Variants in MOK observed in about 807,000 individuals in gnomAD.
MOK encodes MAPK/MAK/MRK overlapping kinase.
In MOK, 59 loss-of-function variants were observed where a neutral mutation model predicts 54.2. The observed-to-expected ratio is 1.09, with a 90% CI of 0.88 to 1.35. MOK has a LOEUF of 1.35. MOK is among the 40% of genes most tolerant of loss of function. The probability of loss-of-function intolerance (pLI) is 0.00; values close to 1 mark genes in which losing one functional copy is unlikely to be tolerated. For synonymous variants in MOK, 210 were observed against 202.7 expected (o/e 1.04, Z -0.31); for missense variants, 517 against 526.2 (o/e 0.98, Z 0.17).
chr14:102,243,554 C>T (rs1225067148), intron 7 of MOK, among the ~76,000 whole-genome samples: 2 of 152,222 alleles, frequency 1.3e-5, no homozygotes, highest in East Asian at 3.8e-4. Flanking sequence ...CTACAGCCCT[C>T]ATAACTTCCA....
Position 102,232,730 on chromosome 14 carries a change from A to T in MOK, c.693-22T>A, listed in dbSNP as rs2064846374. 1 of 1,599,738 alleles carries T rather than the reference A, an allele frequency of 6.3e-7. No homozygotes were observed. Among genetic ancestry groups the T allele is most frequent in the Non-Finnish European group, 8.6e-7 (1 of 1,169,120 alleles). On this transcript the variant is annotated intron_variant, in intron 8 of 11. Coordinates refer to ENST00000361847, the MANE Select transcript of MOK (RefSeq NM_014226.3). The surrounding 1 kb of genome is among the most constrained non-coding windows in gnomAD (Gnocchi z 5.1). The stretch of plus-strand genomic sequence containing the variant: ...CGACCTGTATTAAAAACCCAATGAT[A>T]ATAAATGGTCATGCTGTCACTGAGC...
chr14:102,302,401 G>A (rs565439451), intron 1 of MOK, among the ~76,000 whole-genome samples: 9 of 151,138 alleles, frequency 6.0e-5, no homozygotes, highest in South Asian at 2.1e-4. Flanking sequence ...ATATATATAC[G>A]CATATATACA....
chr14:102,292,354 T>C (rs1233199219), intron 1 of MOK, among the ~76,000 whole-genome samples: 1 of 151,850 alleles, frequency 6.6e-6, no homozygotes, highest in Non-Finnish European at 1.5e-5. Flanking sequence ...ACAGCTGTAG[T>C]CCCAGCTACT....
chr14:102,257,961 G>A (rs2067103800), intron 4 of MOK, among the ~76,000 whole-genome samples: 1 of 147,714 alleles, frequency 6.8e-6, no homozygotes, highest in Non-Finnish European at 1.5e-5. Flanking sequence ...TGCCAACAGA[G>A]TGAGACTCTG....
At chr14:102,222,950 G>A (rs961209319), downstream of MOK, 19 of 1,591,964 alleles carry the variant, frequency 1.2e-5, no homozygotes, top group Middle Eastern at 1.8e-4. This position sits in a 1 kb window ranked among gnomAD's most constrained non-coding sequence, Gnocchi z 4.4. Context: ...GAGGAGCTCC[G>A]AGCTGCGCCT....
intron 1 of MOK, among the ~76,000 whole-genome samples, chr14:102,293,701 C>CAAAAAA (rs10598736): frequency 0.015 from 785 of 53,910 alleles, no homozygotes; most frequent in Non-Finnish European, 0.018. Context: ...AACTCCATCA[C>CAAAAAA]AAAAAAAAAA....
intron 4 of MOK, among the ~76,000 whole-genome samples, chr14:102,257,506 A>G (rs2067063557): frequency 6.6e-6 from 1 of 152,152 alleles, no homozygotes; most frequent in African/African-American, 2.4e-5. Flanking sequence ...ATCAGAGAAT[A>G]GGGGAGGCTG....
At position 102,232,760 on chromosome 14, in the gene MOK, C is replaced by T. The variant is rs371857747; in HGVS notation, c.693-52G>A. 96 of 1,522,360 alleles carry T rather than the reference C, an allele frequency of 6.3e-5. No homozygotes were observed. Among genetic ancestry groups the T allele is most frequent in the African/African-American group, 1.5e-4 (11 of 73,068 alleles). The allele number at this position is 1,522,360 out of a possible 1,614,324, so 94.3% of individuals were successfully genotyped here. ...ATGGTCATGCTGTCACTGAGCGCAC[C>T]GGTGGTCCACTGTCACAACTAAGGG... On this transcript the variant is annotated intron_variant, in intron 8 of 11. Coordinates refer to ENST00000361847, the MANE Select transcript of MOK (RefSeq NM_014226.3). The surrounding 1 kb of genome is among the most constrained non-coding windows in gnomAD (Gnocchi z 5.1).
At chr14:102,252,253 G>C (rs1234830395) in intron 4 of MOK, among the ~76,000 whole-genome samples, 3 of 151,996 alleles carry the variant, frequency 2.0e-5, no homozygotes, top group African/African-American at 2.4e-5. Flanking sequence ...TCAGGAGTTT[G>C]AGACCAGCCT....
chr14:102,274,744 G>A (rs1245073938), intron 2 of MOK, among the ~76,000 whole-genome samples: 1 of 151,838 alleles, frequency 6.6e-6, no homozygotes, highest in Non-Finnish European at 1.5e-5. Flanking sequence ...GGAGGACGAG[G>A]CAGGCGGATC....
At chr14:102,261,530 TA>T (rs1389936489) in intron 4 of MOK, among the ~76,000 whole-genome samples, 4 of 147,660 alleles carry the variant, frequency 2.7e-5, no homozygotes, top group South Asian at 4.3e-4. Flanking sequence ...TGTTGACTTT[TA>T]TTTTTTTTTT....
chr14:102,266,656 C>T (rs1446146861), intron 2 of MOK, among the ~76,000 whole-genome samples: 1 of 152,108 alleles, frequency 6.6e-6, no homozygotes, highest in Non-Finnish European at 1.5e-5. Context: ...GATCTTGGCT[C>T]ACTGCAACCT....
intron 1 of MOK, among the ~76,000 whole-genome samples, chr14:102,294,250 TC>T (rs1465004579): frequency 5.3e-5 from 8 of 151,948 alleles, no homozygotes; most frequent in African/African-American, 1.9e-4. Context: ...ATCAACACCA[TC>T]CTGGCTAACA....
the MOK span, among the ~76,000 whole-genome samples, chr14:102,218,093 C>T: frequency 6.6e-6 from 1 of 152,230 alleles, no homozygotes; most frequent in African/African-American, 2.4e-5. Flanking sequence ...TCTTGTGGTA[C>T]TTTGTCCACG....
At chr14:102,288,210 T>C (rs960483457) in intron 1 of MOK, among the ~76,000 whole-genome samples, 1 of 152,204 alleles carries the variant, frequency 6.6e-6, no homozygotes, top group East Asian at 1.9e-4. Context: ...CAAAAACGTA[T>C]GTCCAAACAA....
chr14:102,304,899 C>T (rs2072617916), intron 1 of MOK, 63 bp downstream of exon 1: 2 of 1,532,308 alleles, frequency 1.3e-6, no homozygotes, highest in Non-Finnish European at 8.9e-7. Context: ...TCAAGCTCCC[C>T]CAGTCCCTCC....
chr14:102,227,746 G>T (rs1297853276), downstream of MOK, among the ~76,000 whole-genome samples: 1 of 152,032 alleles, frequency 6.6e-6, no homozygotes, highest in African/African-American at 2.4e-5. Flanking sequence ...CACGCTCCCC[G>T]CCCTTGCCTC....
rs531977564 is a variant in MOK at position 102,234,158 on chromosome 14, G to A, written c.591-369C>T. 4 of 207,918 alleles carry A rather than the reference G, an allele frequency of 1.9e-5. No homozygotes were observed. The South Asian group carries it at 3.3e-4, about 17-fold the overall frequency. The allele number at this position is 207,918 out of a possible 1,614,324, so 12.9% of individuals were successfully genotyped here. On this transcript the variant is annotated intron_variant, in intron 7 of 11. Transcript: ENST00000361847. ...TTAGGTCAATTTTTCCTTTCTCTCG[G>A]ATGACCTAACATTCTGGTGCCGAAA...
At chr14:102,287,374 C>T (rs774456084) in intron 1 of MOK, among the ~76,000 whole-genome samples, 11 of 152,118 alleles carry the variant, frequency 7.2e-5, no homozygotes, top group Non-Finnish European at 1.5e-4. Flanking sequence ...GAGGCCGAGA[C>T]GGGCAGATCA....
Sources: allele counts gnomAD v4.1 joint callset (sites outside exome capture counted in the v4.1 genomes callset), GRCh38; gene constraint gnomAD v4.1.1; non-coding constraint Gnocchi (gnomAD v3.1); transcripts MANE v1.5; gene names NCBI Gene and HGNC (gene_info 2026-07-23, HGNC 2026-07-21).